TAFA1: variants seen among roughly 807,000 people sequenced by gnomAD.
TAFA1 encodes chemokine-like protein TAFA-1.
A neutral mutation model predicts 18.5 loss-of-function variants in TAFA1; 4 were observed. The ratio of observed to expected loss-of-function variants is 0.22; its 90% CI spans 0.11 to 0.49. TAFA1 has a LOEUF of 0.49. Among genes scored for constraint, TAFA1 ranks in the 20% least tolerant of loss-of-function variants. The pLI, the probability that TAFA1 is intolerant of heterozygous loss-of-function variation, is 0.98. For missense variants in TAFA1, 147 were observed against 169.0 expected, an observed-to-expected ratio of 0.87 and a Z score of 0.72; for synonymous variants, 56 against 55.2, an observed-to-expected ratio of 1.01 and a Z score of -0.06.
At chr3:68,364,901 G>C (rs907274976) in intron 2 of TAFA1, among the ~76,000 whole-genome samples, 1 of 152,088 alleles carries the variant, frequency 6.6e-6, no homozygotes, top group Admixed American at 6.6e-5. Context: ...CCTTATCAAA[G>C]GTCACACAGT....
chr3:68,241,947 C>T (rs2067006075), intron 2 of TAFA1, among the ~76,000 whole-genome samples: 1 of 152,158 alleles, frequency 6.6e-6, no homozygotes, highest in Non-Finnish European at 1.5e-5. Context: ...AATAGTGCCA[C>T]ATAAAAATTT....
At chr3:68,067,684 G>A (rs1479138808) in intron 2 of TAFA1, among the ~76,000 whole-genome samples, 1 of 151,998 alleles carries the variant, frequency 6.6e-6, no homozygotes, top group Non-Finnish European at 1.5e-5. Context: ...ATGACCATCC[G>A]GTAGCCAACT....
chr3:68,250,388 GA>G (rs2067169943), intron 2 of TAFA1, among the ~76,000 whole-genome samples: 1 of 152,140 alleles, frequency 6.6e-6, no homozygotes, highest in East Asian at 1.9e-4. Context: ...AGTATTCCAA[GA>G]AAGTGCAACA....
chr3:68,355,593 G>A (rs1363697853), intron 2 of TAFA1, among the ~76,000 whole-genome samples: 3 of 151,874 alleles, frequency 2.0e-5, no homozygotes, highest in Non-Finnish European at 2.9e-5. Context: ...CCCCATAGTA[G>A]CCTTATAAAA....
At chr3:68,260,996 G>A (rs1429574908) in intron 2 of TAFA1, among the ~76,000 whole-genome samples, 2 of 151,898 alleles carry the variant, frequency 1.3e-5, no homozygotes, top group African/African-American at 4.8e-5. Context: ...CTACAGAATG[G>A]GAGAAAATTT....
At chr3:68,063,969 G>A (rs2064639938) in intron 2 of TAFA1, among the ~76,000 whole-genome samples, 1 of 152,126 alleles carries the variant, frequency 6.6e-6, no homozygotes, top group Non-Finnish European at 1.5e-5. Flanking sequence ...CCCCAGGTAG[G>A]ACTTTTTACC....
At position 68,545,345 on chromosome 3, in the gene TAFA1, A is replaced by C. The variant is rs542937167; in HGVS notation, c.*842A>C. On this transcript the variant is annotated 3_prime_UTR_variant, in exon 5 of 5. Coordinates refer to ENST00000478136, the MANE Select transcript of TAFA1 (RefSeq NM_213609.4). ...TAGGATATGGATCCCTACATGAATAAGTCCTGTAAATACAATGTCTTAAGG... is the reference window on the plus strand; with the variant it reads ...TAGGATATGGATCCCTACATGAATACGTCCTGTAAATACAATGTCTTAAGG... 2 of 152,602 alleles carry C rather than the reference A, an allele frequency of 1.3e-5. No individual in the cohort carries two copies. Among genetic ancestry groups the C allele is most frequent in the African/African-American group, 4.8e-5 (2 of 41,458 alleles). 9.5% of individuals were successfully genotyped at this position (152,602 alleles called of 1,614,324 possible).
At chr3:68,277,817 G>A (rs771855322) in intron 2 of TAFA1, among the ~76,000 whole-genome samples, 101 of 152,148 alleles carry the variant, frequency 6.6e-4, no homozygotes, top group Admixed American at 8.5e-4. Flanking sequence ...CCCATTAAAA[G>A]GGGATGATAG....
intron 2 of TAFA1, among the ~76,000 whole-genome samples, chr3:68,363,679 C>G (rs1033244569): frequency 6.6e-6 from 1 of 152,100 alleles, no homozygotes; most frequent in Non-Finnish European, 1.5e-5. Flanking sequence ...ATGCATCCTG[C>G]CTGATTTTCT....
intron 3 of TAFA1, among the ~76,000 whole-genome samples, chr3:68,499,788 T>G (rs940057899): frequency 1.3e-5 from 2 of 151,700 alleles, no homozygotes; most frequent in African/African-American, 4.8e-5. Flanking sequence ...GTTTTGAAAA[T>G]GTATGTCTGT....
chr3:68,303,394 AG>A (rs2068341521), intron 2 of TAFA1, among the ~76,000 whole-genome samples: 1 of 152,208 alleles, frequency 6.6e-6, no homozygotes, highest in Non-Finnish European at 1.5e-5. Flanking sequence ...CTGCCTAAAG[AG>A]GAAACAAAAC....
chr3:68,429,779 A>G (rs981367987), intron 3 of TAFA1, among the ~76,000 whole-genome samples: 2 of 151,872 alleles, frequency 1.3e-5, no homozygotes, highest in African/African-American at 2.4e-5. Context: ...CTGACTCTTC[A>G]TTACTCAACT....
At chr3:68,287,916 G>T (rs1371515300) in intron 2 of TAFA1, among the ~76,000 whole-genome samples, 1 of 130,930 alleles carries the variant, frequency 7.6e-6, no homozygotes, top group Non-Finnish European at 1.6e-5. Context: ...TTGGGGGGTG[G>T]GGGGGCTTTT....
At chr3:68,111,778 GAA>G (rs879930886) in intron 2 of TAFA1, among the ~76,000 whole-genome samples, 4,004 of 141,856 alleles carry the variant, frequency 0.028, 149 homozygotes, top group African/African-American at 0.094. Context: ...ACACACATGA[GAA>G]AGAGAGAGAG....
chr3:68,331,433 A>G (rs959336467), intron 2 of TAFA1, among the ~76,000 whole-genome samples: 1 of 152,206 alleles, frequency 6.6e-6, no homozygotes, highest in African/African-American at 2.4e-5. Flanking sequence ...TGAATTTTAT[A>G]TTGTATAGTT....
rs78405508 is a variant in TAFA1 at position 68,139,474 on chromosome 3, G to T, written c.118+132730G>T. Among the ~76,000 whole-genome samples, 787 of 152,186 alleles carry T rather than the reference G, an allele frequency of 5.2e-3. 34 individuals are homozygous for T. The East Asian group carries it at 0.1, about 20-fold the overall frequency. ...ATGGGGAAATATTGATTCACTTTGG[G>T]CACAGTGGGTCTTGTTATAATAAAG... On this transcript the variant is annotated intron_variant, in intron 2 of 4. Transcript: ENST00000478136.
At chr3:68,299,878 G>C (rs1032858870) in intron 2 of TAFA1, among the ~76,000 whole-genome samples, 4 of 152,228 alleles carry the variant, frequency 2.6e-5, no homozygotes, top group African/African-American at 9.6e-5. Context: ...GTACACAAAA[G>C]TCAAGAATTG....
chr3:68,047,821 G>A (rs560762717), intron 2 of TAFA1, among the ~76,000 whole-genome samples: 43 of 152,070 alleles, frequency 2.8e-4, no homozygotes, highest in Non-Finnish European at 5.1e-4. Context: ...AACCTAATAG[G>A]TATGATAGCT....
chr3:68,426,495 T>C (rs2071057090), intron 3 of TAFA1, among the ~76,000 whole-genome samples: 1 of 151,894 alleles, frequency 6.6e-6, no homozygotes. Flanking sequence ...TAAAAATGGC[T>C]GGTAAACATG....
Sources: gnomAD v4.1 joint callset for allele counts (sites outside exome capture counted in the v4.1 genomes callset) on GRCh38, gnomAD v4.1.1 for gene constraint, MANE v1.5 for transcripts, NCBI Gene and HGNC (gene_info 2026-07-23, HGNC 2026-07-21) for gene names.